The following KIRREL3 variants were observed in gnomAD, a reference collection of about 807,000 sequenced individuals.
KIRREL3 encodes kirre like nephrin family adhesion molecule 3.
KIRREL3 carries 36 observed loss-of-function variants against 89.7 expected under a neutral mutation model. The ratio of observed to expected loss-of-function variants is 0.40; its 90% confidence interval spans 0.31 to 0.53. The LOEUF (loss-of-function observed/expected upper bound fraction) is 0.53, where lower values mean the gene tolerates loss of function less well. Ranked by LOEUF, KIRREL3 falls within the 20% of genes least tolerant of loss-of-function variation. KIRREL3 has a pLI of 0.49. For missense variants in KIRREL3, 864 were observed against 1,056.6 expected (o/e 0.82, Z 2.53); for synonymous variants, 445 against 441.4 (o/e 1.01, Z -0.10).
At position 126,734,633 on chromosome 11, in the gene KIRREL3, C is replaced by G. The variant is rs1409877065; in HGVS notation, c.56-171721G>C. Among the ~76,000 whole-genome samples the G allele has an allele frequency of 6.6e-6, 1 of 151,722 alleles. No individual in the cohort carries two copies. Among genetic ancestry groups the G allele is most frequent in the Non-Finnish European group, 1.5e-5 (1 of 67,978 alleles). On this transcript the variant is annotated intron_variant, in intron 1 of 16. Coordinates refer to ENST00000525144, the MANE Select transcript of KIRREL3 (RefSeq NM_032531.4). The surrounding 1 kb of genome is among the most constrained non-coding windows in gnomAD (Gnocchi z 5.9). ...AGCCGAGATGTCATTGCACTCCAGC[C>G]TGGGCAACAAGAGTGAAACTCTGTC...
In KIRREL3 at chr11:126,521,397, T is replaced by G; in HGVS notation, c.351A>C (p.Ala117=). ...CGTACACCGCATCGTCTTGCAGCTC[T>G]GCCCTCAGGATCTTCAGGTGGTGCT... ...SGEHHLKILR[A]ELQDDAVYEC... Residue 117 remains alanine (A), a synonymous_variant, in exon 4 of 17, where the codon GCA becomes GCC. Coordinates refer to ENST00000525144, the MANE Select transcript of KIRREL3 (RefSeq NM_032531.4). The surrounding 1 kb of genome is among the most constrained non-coding windows in gnomAD (Gnocchi z 4.1). 6.4e-7 allele frequency: 1 copy of G among 1,570,182 alleles called. No individual in the cohort carries two copies. The highest frequency in any genetic ancestry group is 8.6e-7 in the Non-Finnish European group (1 of 1,157,668).
intron 1 of KIRREL3, among the ~76,000 whole-genome samples, chr11:126,617,647 A>G (rs1462040468): frequency 6.6e-6 from 1 of 152,200 alleles, no homozygotes; most frequent in Non-Finnish European, 1.5e-5. Flanking sequence ...AGTTCCTACT[A>G]GGGATTTGAC....
At chr11:126,434,690 T>C (rs1037879429) in intron 13 of KIRREL3, among the ~76,000 whole-genome samples, 4 of 152,204 alleles carry the variant, frequency 2.6e-5, no homozygotes, top group Non-Finnish European at 5.9e-5. Context: ...GGGGGCCTGA[T>C]GACTGCTTTG....
Position 126,520,763 on chromosome 11 carries a change from A to C in KIRREL3, c.433+552T>G, listed in dbSNP as rs371046594. ...GATTTGGAATAAGGACCTGAAATGA[A>C]TTTTCCTAGGAGGGACCTGTCAGCC... On this transcript the variant is annotated intron_variant, in intron 4 of 16. Coordinates refer to ENST00000525144, the MANE Select transcript of KIRREL3 (RefSeq NM_032531.4). The surrounding 1 kb of genome is among the most constrained non-coding windows in gnomAD (Gnocchi z 4.9). Among the ~76,000 whole-genome samples, 122 of 152,170 alleles carry C rather than the reference A, an allele frequency of 8.0e-4. 1 individual carries two copies. The highest frequency in any genetic ancestry group is 2.9e-3 in the African/African-American group (119 of 41,494).
Position 126,991,212 on chromosome 11 carries a change from C to T in KIRREL3, c.55+9243G>A, listed in dbSNP as rs576856037. 2.7e-4 allele frequency among the ~76,000 whole-genome samples: 41 copies of T among 152,320 alleles called. No homozygotes were observed. The highest frequency in any genetic ancestry group is 5.0e-4 in the Non-Finnish European group (34 of 68,032). On this transcript the variant is annotated intron_variant, in intron 1 of 16. Transcript: ENST00000525144. This position sits in a 1 kb window ranked among gnomAD's most constrained non-coding sequence, Gnocchi z 5.8. ...CCTTCCAGAAAGGAACAACTTCCTG[C>T]AGGGCACGTCCACACTTCACTTAGT...
Position 126,642,514 on chromosome 11 carries a change from C to T in KIRREL3, c.56-79602G>A, listed in dbSNP as rs1033555472. On this transcript the variant is annotated intron_variant, in intron 1 of 16. Transcript: ENST00000525144. This position sits in a 1 kb window ranked among gnomAD's most constrained non-coding sequence, Gnocchi z 4.9. Reference sequence around the variant, plus strand: ...CCCTGCACTTTCCATTCCCCATCCCCTTTCCTCTGCCTTTTCCAAGCAAAC... The same window carrying T: ...CCCTGCACTTTCCATTCCCCATCCCTTTTCCTCTGCCTTTTCCAAGCAAAC... Among the ~76,000 whole-genome samples, 1 of 152,234 alleles carries T rather than the reference C, an allele frequency of 6.6e-6. No individual in the cohort carries two copies. Among genetic ancestry groups the T allele is most frequent in the East Asian group, 1.9e-4 (1 of 5,202 alleles).
rs368194181 is a variant in KIRREL3, at chr11:126,989,477, G to T, written c.55+10978C>A. ...CAACTTCAGAAAAACTGAATGAAAG[G>T]CCAAAGGTAACATAAACCGCCAGCT... On this transcript the variant is annotated intron_variant, in intron 1 of 16. Coordinates refer to ENST00000525144, the MANE Select transcript of KIRREL3 (RefSeq NM_032531.4). The surrounding 1 kb of genome is among the most constrained non-coding windows in gnomAD (Gnocchi z 6.2). Among the ~76,000 whole-genome samples the T allele has an allele frequency of 1.1e-4, 16 of 152,092 alleles. No individual in the cohort carries two copies. The highest frequency in any genetic ancestry group is 3.6e-4 in the African/African-American group (15 of 41,428).
chr11:126,575,376 C>T lies in KIRREL3; in HGVS notation c.56-12464G>A, dbSNP rs1352705431. 6.6e-6 allele frequency among the ~76,000 whole-genome samples: 1 copy of T among 152,138 alleles called. No homozygotes were observed. Among genetic ancestry groups the T allele is most frequent in the African/African-American group, 2.4e-5 (1 of 41,422 alleles). ...GCTCTTGATCAGAGATATCCACCTT[C>T]AGTCTCCTCAATGTGTACAATGGAG... On this transcript the variant is annotated intron_variant, in intron 1 of 16. Transcript: ENST00000525144. This position sits in a 1 kb window ranked among gnomAD's most constrained non-coding sequence, Gnocchi z 7.0.
At chr11:126,728,152 G>A (rs1280337531) in intron 1 of KIRREL3, among the ~76,000 whole-genome samples, 3 of 152,152 alleles carry the variant, frequency 2.0e-5, no homozygotes, top group African/African-American at 7.2e-5. Flanking sequence ...ACAAGGTGTG[G>A]CTGTCACAGC....
In KIRREL3 at chr11:126,940,665, TA is replaced by T. The variant is rs1281568287; in HGVS notation, c.55+59789del. 1 of 152,240 alleles carries T rather than the reference TA, an allele frequency of 6.6e-6. No homozygotes were observed. The highest frequency in any genetic ancestry group is 1.5e-5 in the Non-Finnish European group (1 of 68,048). 9.4% of individuals were successfully genotyped at this position (152,240 alleles called of 1,614,324 possible). Reference sequence around the variant, plus strand: ...TTTTTACATTCTAAGGCCATGTTCTTAGTATTGAACTTGACCACACAGCTCA... The same window carrying T: ...TTTTTACATTCTAAGGCCATGTTCTTGTATTGAACTTGACCACACAGCTCA... On this transcript the variant is annotated intron_variant, in intron 1 of 16. Transcript: ENST00000525144. The surrounding 1 kb of genome is among the most constrained non-coding windows in gnomAD (Gnocchi z 4.6).
At chr11:126,582,758 C>T (rs558714254) in intron 1 of KIRREL3, among the ~76,000 whole-genome samples, 2 of 152,148 alleles carry the variant, frequency 1.3e-5, no homozygotes, top group South Asian at 2.1e-4. Flanking sequence ...TGTTAAAGGC[C>T]AGTGCTTCGT....
At position 126,987,339 on chromosome 11, in the gene KIRREL3, G is replaced by A. The variant is rs1051525293; in HGVS notation, c.55+13116C>T. Reference sequence around the variant, plus strand: ...GACAATTTAACTAAAAAATACAACCGTCTATGTATTTTCAAACTTTCCTTG... The same window carrying A: ...GACAATTTAACTAAAAAATACAACCATCTATGTATTTTCAAACTTTCCTTG... On this transcript the variant is annotated intron_variant, in intron 1 of 16. Transcript: ENST00000525144. This position sits in a 1 kb window ranked among gnomAD's most constrained non-coding sequence, Gnocchi z 4.6. Among the ~76,000 whole-genome samples, 11 of 152,230 alleles carry A rather than the reference G, an allele frequency of 7.2e-5. No homozygotes were observed. Among genetic ancestry groups the A allele is most frequent in the South Asian group, 2.1e-4 (1 of 4,824 alleles).
rs1938039395 is a variant in KIRREL3 at position 126,537,951 on chromosome 11, C to T, written c.134-11264G>A. ...ATCTGAAGTTGCACCCATTAGAATG[C>T]TGCATGGGTGGTGCAGGAGACAGTG... On this transcript the variant is annotated intron_variant, in intron 2 of 16. Coordinates refer to ENST00000525144, the MANE Select transcript of KIRREL3 (RefSeq NM_032531.4). This position sits in a 1 kb window ranked among gnomAD's most constrained non-coding sequence, Gnocchi z 4.3. 6.6e-6 allele frequency among the ~76,000 whole-genome samples: 1 copy of T among 152,128 alleles called. No homozygotes were observed. The highest frequency in any genetic ancestry group is 6.6e-5 in the Admixed American group (1 of 15,266).
rs1958601435 is a variant in KIRREL3, at chr11:126,521,711, TGTGTGTGTGTGTGTGTGTG to T, written c.284-266_284-248del. On this transcript the variant is annotated intron_variant, in intron 3 of 16. Transcript: ENST00000525144. The surrounding 1 kb of genome is among the most constrained non-coding windows in gnomAD (Gnocchi z 4.1). Reference sequence around the variant, plus strand: ...GTGTGTGTGTGTGTGTGTGTGTGTGTGTGTGTGTGTGTGTGTGTGTATAAGGGCATTTGGTCTGTTTGTT... The same window carrying T: ...GTGTGTGTGTGTGTGTGTGTGTGTGTTATAAGGGCATTTGGTCTGTTTGTT... 1.0e-5 allele frequency among the ~76,000 whole-genome samples: 1 copy of T among 99,248 alleles called. No individual in the cohort carries two copies. The allele number at this position is 99,248 out of a possible 152,430, so 65.1% of individuals were successfully genotyped here. A position where few individuals can be genotyped will look rare whatever the true frequency, so the allele number is the denominator to read the frequency against.
At chr11:126,616,751 C>G (rs993078444) in intron 1 of KIRREL3, among the ~76,000 whole-genome samples, 1 of 152,196 alleles carries the variant, frequency 6.6e-6, no homozygotes, top group African/African-American at 2.4e-5. Context: ...CAGTGATCCT[C>G]GAGCCTTAGC....
At position 126,656,753 on chromosome 11, in the gene KIRREL3, T is replaced by C. The variant is rs2134994107; in HGVS notation, c.56-93841A>G. On this transcript the variant is annotated intron_variant, in intron 1 of 16. Coordinates refer to ENST00000525144, the MANE Select transcript of KIRREL3 (RefSeq NM_032531.4). The surrounding 1 kb of genome is among the most constrained non-coding windows in gnomAD (Gnocchi z 4.0). The stretch of plus-strand genomic sequence containing the variant: ...TCATGTACTCATAACCTATCTCTTA[T>C]GAAAATAAATGAAACTGGCTAGGCG... 6.6e-6 allele frequency among the ~76,000 whole-genome samples: 1 copy of C among 152,212 alleles called. No homozygotes were observed. Among genetic ancestry groups the C allele is most frequent in the East Asian group, 1.9e-4 (1 of 5,200 alleles).
chr11:126,780,531 G>A lies in KIRREL3; in HGVS notation c.56-217619C>T, dbSNP rs991236832. ...GCTTCTTTGAAAAATGAATTTGGGG[G>A]CTGAGATTTCTCATCAGTATATATC... On this transcript the variant is annotated intron_variant, in intron 1 of 16. Transcript: ENST00000525144. The surrounding 1 kb of genome is among the most constrained non-coding windows in gnomAD (Gnocchi z 5.3). 1.3e-4 allele frequency among the ~76,000 whole-genome samples: 20 copies of A among 152,136 alleles called. No homozygotes were observed. Among genetic ancestry groups the A allele is most frequent in the Non-Finnish European group, 2.6e-4 (18 of 68,028 alleles).
intron 1 of KIRREL3, among the ~76,000 whole-genome samples, chr11:126,617,295 A>G (rs1295081711): frequency 6.6e-6 from 1 of 152,246 alleles, no homozygotes; most frequent in African/African-American, 2.4e-5. Flanking sequence ...TGGTGAAGAA[A>G]CATGGCCTCT....
At chr11:126,941,778 G>T (rs1050398877) in intron 1 of KIRREL3, among the ~76,000 whole-genome samples, 1 of 152,222 alleles carries the variant, frequency 6.6e-6, no homozygotes, top group South Asian at 2.1e-4. Context: ...TGGGAAGGAT[G>T]GTAGGCCTCC....
Sources: allele counts gnomAD v4.1 joint callset (sites outside exome capture counted in the v4.1 genomes callset), GRCh38; gene constraint gnomAD v4.1.1; non-coding constraint Gnocchi (gnomAD v3.1); transcripts MANE v1.5; gene names NCBI Gene and HGNC (gene_info 2026-07-23, HGNC 2026-07-21).